The following PRKCB variants were observed in gnomAD, a reference collection of about 807,000 sequenced individuals.
PRKCB encodes the protein protein kinase C beta type.
In PRKCB, 13 loss-of-function variants were observed where a neutral mutation model predicts 81.5. That is an observed-to-expected ratio of 0.16 (90% CI 0.10 to 0.25). The LOEUF is 0.25. PRKCB is among the 10% of genes least tolerant of loss of function. The pLI is 1.00. For missense variants in PRKCB, 509 were observed against 875.7 expected (o/e 0.58, Z 5.29); for synonymous variants, 335 against 321.4 (o/e 1.04, Z -0.45).
chr16:24,139,942 C>G (rs1042307648), intron 9 of PRKCB, among the ~76,000 whole-genome samples: 1 of 152,152 alleles, frequency 6.6e-6, no homozygotes, highest in African/African-American at 2.4e-5. Flanking sequence ...CATCTTCTCC[C>G]CATTATATCA....
intron 3 of PRKCB, among the ~76,000 whole-genome samples, chr16:24,015,155 T>C (rs1438532410): frequency 2.6e-5 from 4 of 152,148 alleles, no homozygotes. Flanking sequence ...GGGTAACCTG[T>C]CCAAAGTCAC....
At chr16:23,931,715 C>T (rs1039952102) in intron 2 of PRKCB, among the ~76,000 whole-genome samples, 1 of 151,878 alleles carries the variant, frequency 6.6e-6, no homozygotes. Context: ...TTTTACTTCC[C>T]GGCCTTCTGG....
intron 2 of PRKCB, among the ~76,000 whole-genome samples, chr16:23,971,124 T>A (rs1487200417): frequency 6.6e-6 from 1 of 152,246 alleles, no homozygotes; most frequent in East Asian, 1.9e-4. Flanking sequence ...AAATATGCAA[T>A]GAAGTATTCA....
At chr16:24,082,682 A>G (rs151318645) in intron 5 of PRKCB, among the ~76,000 whole-genome samples, 96 of 152,320 alleles carry the variant, frequency 6.3e-4, no homozygotes, top group African/African-American at 2.2e-3. Flanking sequence ...CTTGACCTCC[A>G]TCTCACACCT....
At chr16:23,970,258 C>T (rs996528462) in intron 2 of PRKCB, among the ~76,000 whole-genome samples, 6 of 151,182 alleles carry the variant, frequency 4.0e-5, no homozygotes, top group African/African-American at 1.2e-4. Flanking sequence ...AAGAAGGCAC[C>T]AAAGGGTAGT....
chr16:24,160,786 G>A (rs1054036021), intron 10 of PRKCB, among the ~76,000 whole-genome samples: 1 of 152,132 alleles, frequency 6.6e-6, no homozygotes, highest in South Asian at 2.1e-4. Flanking sequence ...ATCAAGGAAG[G>A]TCTCTCTGAT....
chr16:23,858,654 G>T (rs1962613739), intron 2 of PRKCB, among the ~76,000 whole-genome samples: 1 of 152,038 alleles, frequency 6.6e-6, no homozygotes, highest in South Asian at 2.1e-4. Context: ...CATTGGCCAC[G>T]TGATCACAGT....
intron 15 of PRKCB, among the ~76,000 whole-genome samples, chr16:24,186,222 C>A (rs1176900227): frequency 6.6e-6 from 1 of 152,190 alleles, no homozygotes; most frequent in Non-Finnish European, 1.5e-5. Flanking sequence ...CCAGGGCATA[C>A]TCACAGTGAC....
intron 2 of PRKCB, among the ~76,000 whole-genome samples, chr16:23,865,466 C>CATATAT (rs375074228): frequency 1.9e-4 from 7 of 36,016 alleles, no homozygotes; most frequent in African/African-American, 3.0e-4. Context: ...CAATGCCCGG[C>CATATAT]ATATATATAT....
intron 8 of PRKCB, among the ~76,000 whole-genome samples, chr16:24,119,853 T>A (rs1966778733): frequency 6.6e-6 from 1 of 152,184 alleles, no homozygotes. Flanking sequence ...TACAACTGCT[T>A]ACTGGGTATT....
At chr16:24,085,823 T>C (rs1966305038) in intron 5 of PRKCB, among the ~76,000 whole-genome samples, 1 of 152,342 alleles carries the variant, frequency 6.6e-6, no homozygotes, top group Admixed American at 6.5e-5. Context: ...CTCTCCACCA[T>C]TGTTTCACTA....
chr16:23,929,242 A>C (rs1432956947), intron 2 of PRKCB, among the ~76,000 whole-genome samples: 1 of 152,060 alleles, frequency 6.6e-6, no homozygotes, highest in Non-Finnish European at 1.5e-5. Context: ...TACGAGGAGG[A>C]CTTTGATGCC....
chr16:24,049,673 G>A (rs1204517160), intron 5 of PRKCB, among the ~76,000 whole-genome samples: 1 of 152,124 alleles, frequency 6.6e-6, no homozygotes, highest in African/African-American at 2.4e-5. Flanking sequence ...GAGAAAGAGA[G>A]GGATAAAACC....
intron 2 of PRKCB, among the ~76,000 whole-genome samples, chr16:23,933,401 G>A (rs746142758): frequency 2.6e-5 from 4 of 152,062 alleles, no homozygotes; most frequent in South Asian, 2.1e-4. Context: ...GCCCCTTTTG[G>A]TTAAGTTGCA....
chr16:24,175,632 T>C (rs1362505506), intron 12 of PRKCB, among the ~76,000 whole-genome samples: 1 of 151,780 alleles, frequency 6.6e-6, no homozygotes. Flanking sequence ...TAGGGGTGAC[T>C]TGAGAGTCCT....
chr16:24,193,468 T>TAAAAA (rs376463151), intron 16 of PRKCB, among the ~76,000 whole-genome samples: 16,901 of 103,544 alleles, frequency 0.16, 1,315 homozygotes, highest in Admixed American at 0.23. Context: ...AATAAATAAA[T>TAAAAA]AAATAAATAA....
At chr16:24,061,805 G>T (rs1200828711) in intron 5 of PRKCB, among the ~76,000 whole-genome samples, 1 of 149,308 alleles carries the variant, frequency 6.7e-6, no homozygotes, top group East Asian at 2.0e-4. Context: ...TGGGCAATTT[G>T]TTAAAAAAGA....
intron 2 of PRKCB, among the ~76,000 whole-genome samples, chr16:23,964,676 T>TG (rs1964465457): frequency 6.8e-6 from 1 of 146,794 alleles, no homozygotes; most frequent in African/African-American, 2.5e-5. Context: ...CTCATGAGGT[T>TG]TTTTTTTTTT....
chr16:23,846,991 T>G (rs957358073), intron 2 of PRKCB, among the ~76,000 whole-genome samples: 1 of 152,024 alleles, frequency 6.6e-6, no homozygotes, highest in Non-Finnish European at 1.5e-5. Flanking sequence ...AGCAGAAAGT[T>G]GCCCTACAGA....
Sources: allele counts gnomAD v4.1 joint callset (sites outside exome capture counted in the v4.1 genomes callset), GRCh38; gene constraint gnomAD v4.1.1; transcripts MANE v1.5; gene names NCBI Gene and HGNC (gene_info 2026-07-23, HGNC 2026-07-21).